Variants in NEU1 observed in about 807,000 individuals in gnomAD.
The protein encoded by NEU1 is neuraminidase 1, also known as sialidase-1.
In NEU1, 32 loss-of-function variants were observed where a neutral mutation model predicts 38.3. The observed-to-expected ratio is 0.84, with a 90% CI of 0.63 to 1.12. NEU1 has a LOEUF of 1.12. Ranked by LOEUF, NEU1 falls within the 50% of genes most tolerant of loss-of-function variation. NEU1 has a pLI of 0.00. For missense variants in NEU1, 431 were observed against 549.2 expected (o/e 0.78, Z 2.15); for synonymous variants, 192 against 225.2 (o/e 0.85, Z 1.32).
intron 5 of NEU1, 28 bp from the exon 6 acceptor site, chr6:31,859,973 G>C (rs1268351957): frequency 9.3e-6 from 15 of 1,612,616 alleles, no homozygotes; most frequent in Non-Finnish European, 1.3e-5. Flanking sequence ...GTCAGGGAGA[G>C]AGGGTCTCTG....
rs1452299161 is a variant in NEU1 at position 31,859,444 on chromosome 6, T to C, written c.*275A>G. ...ACCTGCCCAAGACAGGACCAATCAA[T>C]GTCCCGGGAGGGCAGAGAGGGTGGT... On this transcript the variant is annotated 3_prime_UTR_variant, in exon 6 of 6. Coordinates refer to ENST00000375631, the MANE Select transcript of NEU1 (RefSeq NM_000434.4). 3.4e-6 allele frequency: 2 copies of C among 581,198 alleles called. No homozygotes were observed. Among genetic ancestry groups the C allele is most frequent in the Non-Finnish European group, 6.2e-6 (2 of 323,576 alleles). The allele number at this position is 581,198 out of a possible 1,614,324, so 36.0% of individuals were successfully genotyped here.
chr6:31,860,262 G>A lies in NEU1; in HGVS notation c.801C>T (p.Pro267=), dbSNP rs903947418. The A allele has an allele frequency of 6.2e-7, 1 of 1,613,134 alleles. No homozygotes were observed. Among genetic ancestry groups the A allele is most frequent in the Non-Finnish European group, 8.5e-7 (1 of 1,179,990 alleles). ...CGACTGAGCCATCTGGGAGCTCATAGGGCTGAGGGGAGAGGACAGGACCTC... is the reference window on the plus strand; with the variant it reads ...CGACTGAGCCATCTGGGAGCTCATAAGGCTGAGGGGAGAGGACAGGACCTC... The part of the protein sequence containing the change: ...ENDFNPDECQ[P]YELPDGSVVI... The change falls in exon 5 of 6, where the codon CCC becomes CCT. Residue 267 remains proline, a splice_region_variant and synonymous_variant. Coordinates refer to ENST00000375631, the MANE Select transcript of NEU1 (RefSeq NM_000434.4). This position sits in a 1 kb window ranked among gnomAD's most constrained non-coding sequence, Gnocchi z 4.8.
Position 31,860,720 on chromosome 6 carries a change from T to C in NEU1, c.616-99A>G. Reference sequence around the variant, plus strand: ...TTCCCAAATGCAATCACATGTATGGTCCCCTTGAGTTCAGCCCTTGCTCAC... The same window carrying C: ...TTCCCAAATGCAATCACATGTATGGCCCCCTTGAGTTCAGCCCTTGCTCAC... On this transcript the variant is annotated intron_variant, in intron 3 of 5. Transcript: ENST00000375631. The surrounding 1 kb of genome is among the most constrained non-coding windows in gnomAD (Gnocchi z 4.8). 1 of 1,330,272 alleles carries C rather than the reference T, an allele frequency of 7.5e-7. No homozygotes were observed. The highest frequency in any genetic ancestry group is 1.1e-6 in the Non-Finnish European group (1 of 929,454). 82.4% of individuals were successfully genotyped at this position (1,330,272 alleles called of 1,614,324 possible).
rs1762366382 is a variant in NEU1 at position 31,858,044 on chromosome 6, T to C, written c.*1675A>G. The C allele has an allele frequency of 6.6e-6, 1 of 152,140 alleles. No homozygotes were observed. Among genetic ancestry groups the C allele is most frequent in the Non-Finnish European group, 1.5e-5 (1 of 68,062 alleles). 9.4% of individuals were successfully genotyped at this position (152,140 alleles called of 1,614,324 possible). ...CACGCCTGGCTAGTTTTTGTATTTT[T>C]AGTAGAGATGGGATTTCACCATATT... On this transcript the variant is annotated 3_prime_UTR_variant, in exon 6 of 6. Transcript: ENST00000375631.
At chr6:31,861,049 G>GCCCT in intron 3 of NEU1, 139 bp downstream of exon 3, 1 of 1,166,354 alleles carries the variant, frequency 8.6e-7, no homozygotes, top group Non-Finnish European at 1.2e-6. Flanking sequence ...CTACCAGGAT[G>GCCCT]CCCTGTCTTT....
At position 31,860,701 on chromosome 6, in the gene NEU1, A is replaced by G. The variant is rs1004157639; in HGVS notation, c.616-80T>C. 2 of 1,504,662 alleles carry G rather than the reference A, an allele frequency of 1.3e-6. No homozygotes were observed. Among genetic ancestry groups the G allele is most frequent in the African/African-American group, 1.4e-5 (1 of 72,692 alleles). The allele number at this position is 1,504,662 out of a possible 1,614,324, so 93.2% of individuals were successfully genotyped here. The stretch of plus-strand genomic sequence containing the variant: ...GGGACAGAGAACCCACCACTTCCCA[A>G]ATGCAATCACATGTATGGTCCCCTT... On this transcript the variant is annotated intron_variant, in intron 3 of 5. Transcript: ENST00000375631. This position sits in a 1 kb window ranked among gnomAD's most constrained non-coding sequence, Gnocchi z 4.8.
In NEU1 at chr6:31,860,110, A is replaced by AC; in HGVS notation, c.952dup (p.Val318GlyfsTer77). On this transcript the variant is annotated frameshift_variant, in exon 5 of 6. Coordinates refer to ENST00000375631, the MANE Select transcript of NEU1 (RefSeq NM_000434.4). LOFTEE classifies it high-confidence loss of function. The surrounding 1 kb of genome is among the most constrained non-coding windows in gnomAD (Gnocchi z 4.8). The stretch of plus-strand genomic sequence containing the variant: ...GCTGGTGACTACAGCTCCTGCAGCT[A>AC]CCACAGGGTCCACGAGCTCAGGGTC... 1 of 1,613,030 alleles carries AC rather than the reference A, an allele frequency of 6.2e-7. No homozygotes were observed. Among genetic ancestry groups the AC allele is most frequent in the Non-Finnish European group, 8.5e-7 (1 of 1,180,012 alleles).
chr6:31,860,732 C>T lies in NEU1; in HGVS notation c.616-111G>A, dbSNP rs1581820306. 5 of 1,223,578 alleles carry T rather than the reference C, an allele frequency of 4.1e-6. No homozygotes were observed. Among genetic ancestry groups the T allele is most frequent in the East Asian group, 4.7e-5 (2 of 42,348 alleles). The allele number at this position is 1,223,578 out of a possible 1,614,324, so 75.8% of individuals were successfully genotyped here. On this transcript the variant is annotated intron_variant, in intron 3 of 5. Transcript: ENST00000375631. The surrounding 1 kb of genome is among the most constrained non-coding windows in gnomAD (Gnocchi z 4.8). The stretch of plus-strand genomic sequence containing the variant: ...ATCACATGTATGGTCCCCTTGAGTT[C>T]AGCCCTTGCTCACTGAGGGTTCCAG...
rs1362135199 is a variant in NEU1, at chr6:31,860,881, C to G, written c.616-260G>C. ...AGCTTAAACCCAACCTGTGCTCACT[C>G]GCCAAGCTGTGCACCCTGGCACAGG... On this transcript the variant is annotated intron_variant, in intron 3 of 5. Transcript: ENST00000375631. This position sits in a 1 kb window ranked among gnomAD's most constrained non-coding sequence, Gnocchi z 4.8. 1 of 619,790 alleles carries G rather than the reference C, an allele frequency of 1.6e-6. No individual in the cohort carries two copies. The highest frequency in any genetic ancestry group is 2.8e-6 in the Non-Finnish European group (1 of 353,702). The allele number at this position is 619,790 out of a possible 1,614,324, so 38.4% of individuals were successfully genotyped here.
Position 31,862,327 on chromosome 6 carries a change from A to T in NEU1, c.160-136T>A. 9.5e-7 allele frequency: 1 copy of T among 1,050,338 alleles called. No individual in the cohort carries two copies. Among genetic ancestry groups the T allele is most frequent in the Non-Finnish European group, 1.4e-6 (1 of 699,220 alleles). 65.1% of individuals were successfully genotyped at this position (1,050,338 alleles called of 1,614,324 possible). A position where few individuals can be genotyped will look rare whatever the true frequency, so the allele number is the denominator to read the frequency against. On this transcript the variant is annotated intron_variant, in intron 1 of 5. Transcript: ENST00000375631. The surrounding 1 kb of genome is among the most constrained non-coding windows in gnomAD (Gnocchi z 6.3). The stretch of plus-strand genomic sequence containing the variant: ...GGGTCCCAGAACAAGAAAGAGGAAC[A>T]CGAAGGGGAGTTTGGAGCGAAGCTG...
At chr6:31,861,837 C>T in intron 2 of NEU1, 162 bp downstream of exon 2, 1 of 804,956 alleles carries the variant, frequency 1.2e-6, no homozygotes, top group Non-Finnish European at 2.1e-6. Context: ...TCCCAATTTC[C>T]AGATCACTGT....
At position 31,860,334 on chromosome 6, in the gene NEU1, G is replaced by A. The variant is rs1762459599; in HGVS notation, c.799-70C>T. On this transcript the variant is annotated intron_variant, in intron 4 of 5. Transcript: ENST00000375631. The surrounding 1 kb of genome is among the most constrained non-coding windows in gnomAD (Gnocchi z 4.8). ...CCCTGTCCCCGAGGGGAGCAAGGGT[G>A]TGTGGCACTGAGTGGAGCAGTCAGA... 3 of 1,602,080 alleles carry A rather than the reference G, an allele frequency of 1.9e-6. No homozygotes were observed. Among genetic ancestry groups the A allele is most frequent in the Non-Finnish European group, 1.7e-6 (2 of 1,169,478 alleles).
intron 2 of NEU1, 52 bp downstream of exon 2, chr6:31,861,947 C>T (rs1581822934): frequency 6.2e-7 from 1 of 1,600,068 alleles, no homozygotes; most frequent in East Asian, 2.2e-5. Context: ...GCTCATTGGG[C>T]TGCCCACCCA....
Position 31,862,804 on chromosome 6 carries a change from C to T in NEU1, c.-28G>A, listed in dbSNP as rs1226437444. On this transcript the variant is annotated 5_prime_UTR_variant, in exon 1 of 6. Coordinates refer to ENST00000375631, the MANE Select transcript of NEU1 (RefSeq NM_000434.4). The surrounding 1 kb of genome is among the most constrained non-coding windows in gnomAD (Gnocchi z 6.3). ...CTCCCCGCAGCTGCCGCGACCCTGG[C>T]AGCTAGACTCCACAGAGTCGGGAGT... 1 of 1,612,170 alleles carries T rather than the reference C, an allele frequency of 6.2e-7. No homozygotes were observed.
Position 31,862,079 on chromosome 6 carries a change from A to G in NEU1, c.272T>C (p.Leu91Pro), listed in dbSNP as rs104893972. Residue 91 changes from leucine (L) to proline (P), a missense_variant, in exon 2 of 6, where the codon CTC (leucine) becomes CCC (proline). Leu to Pro is a moderately conservative substitution (Grantham distance 98). Transcript: ENST00000375631. This position sits in a 1 kb window ranked among gnomAD's most constrained non-coding sequence, Gnocchi z 6.3. ...LITATPRGTL[L>P]AFAEARKMSS... Reference sequence around the variant, plus strand: ...CATTTTCCTCGCCTCAGCAAAGGCGAGAAGAGTGCCCCGCGGAGTGGCTGT... The same window carrying G: ...CATTTTCCTCGCCTCAGCAAAGGCGGGAAGAGTGCCCCGCGGAGTGGCTGT... 1.2e-6 allele frequency: 2 copies of G among 1,613,110 alleles called. No individual in the cohort carries two copies. Among genetic ancestry groups the G allele is most frequent in the Non-Finnish European group, 1.7e-6 (2 of 1,180,032 alleles).
chr6:31,862,079 A>C lies in NEU1; in HGVS notation c.272T>G (p.Leu91Arg), dbSNP rs104893972. 2 of 1,613,110 alleles carry C rather than the reference A, an allele frequency of 1.2e-6. No homozygotes were observed. Among genetic ancestry groups the C allele is most frequent in the Non-Finnish European group, 1.7e-6 (2 of 1,180,032 alleles). ...CATTTTCCTCGCCTCAGCAAAGGCG[A>C]GAAGAGTGCCCCGCGGAGTGGCTGT... ...LITATPRGTL[L>R]AFAEARKMSS... is the part of the protein sequence containing the mutation. Residue 91 changes from leucine (L) to arginine (R), a missense_variant, in exon 2 of 6, where the codon CTC becomes CGC. Leu to Arg is a moderately radical substitution (Grantham distance 102). Coordinates refer to ENST00000375631, the MANE Select transcript of NEU1 (RefSeq NM_000434.4). The surrounding 1 kb of genome is among the most constrained non-coding windows in gnomAD (Gnocchi z 6.3).
At position 31,860,985 on chromosome 6, in the gene NEU1, A is replaced by G. The variant is rs1562432809; in HGVS notation, c.615+203T>C. 1 of 694,580 alleles carries G rather than the reference A, an allele frequency of 1.4e-6. No individual in the cohort carries two copies. Among genetic ancestry groups the G allele is most frequent in the Non-Finnish European group, 2.4e-6 (1 of 418,880 alleles). The allele number at this position is 694,580 out of a possible 1,614,324, so 43.0% of individuals were successfully genotyped here. A position where few individuals can be genotyped will look rare whatever the true frequency, so the allele number is the denominator to read the frequency against. On this transcript the variant is annotated intron_variant, in intron 3 of 5. Transcript: ENST00000375631. This position sits in a 1 kb window ranked among gnomAD's most constrained non-coding sequence, Gnocchi z 4.8. ...CATGGACTAACGCAGTCCTGTTGAC[A>G]ATGCCAAATGGGAAGCCAATGGCAG...
In NEU1 at chr6:31,862,017, G is replaced by A; in HGVS notation, c.334C>T (p.Arg112Trp). 1.2e-6 allele frequency: 2 copies of A among 1,613,028 alleles called. No homozygotes were observed. The highest frequency in any genetic ancestry group is 1.6e-4 in the Middle Eastern group (1 of 6,062). The part of the protein sequence containing the change: ...SDEGAKFIAL[R>W]RSMDQGSTWS... Reference sequence around the variant, plus strand: ...TTTATACCCTGGTCCATGGACCTCCGCAGGGCGATGAACTTGGCCCCCTCA... The same window carrying A: ...TTTATACCCTGGTCCATGGACCTCCACAGGGCGATGAACTTGGCCCCCTCA... Residue 112 changes from arginine to tryptophan, a missense_variant, in exon 2 of 6, where the codon CGG becomes TGG. Transcript: ENST00000375631. This position sits in a 1 kb window ranked among gnomAD's most constrained non-coding sequence, Gnocchi z 6.3.
At position 31,862,581 on chromosome 6, in the gene NEU1, G is replaced by T; in HGVS notation, c.159+37C>A. The T allele has an allele frequency of 6.2e-7, 1 of 1,612,854 alleles. No individual in the cohort carries two copies. The highest frequency in any genetic ancestry group is 1.1e-5 in the South Asian group (1 of 91,078). On this transcript the variant is annotated intron_variant, in intron 1 of 5. Transcript: ENST00000375631. The surrounding 1 kb of genome is among the most constrained non-coding windows in gnomAD (Gnocchi z 6.3). ...GGGACACTAGGTGTCGATCACCTGC[G>T]CGGGTCGGGGATGGGGCTATGCAAA... is the stretch of plus-strand genomic sequence containing the variant.
Sources: allele counts gnomAD v4.1 joint callset, GRCh38; gene constraint gnomAD v4.1.1; non-coding constraint Gnocchi (gnomAD v3.1); transcripts MANE v1.5; gene names NCBI Gene and HGNC (gene_info 2026-07-23, HGNC 2026-07-21).